HSDL2: variants seen among roughly 807,000 people sequenced by gnomAD.
HSDL2 encodes hydroxysteroid dehydrogenase-like protein 2.
A neutral mutation model predicts 46.3 loss-of-function variants in HSDL2; 27 were observed. The observed-to-expected ratio is 0.58, with a 90% CI of 0.43 to 0.80. HSDL2 has a LOEUF of 0.80. Among genes scored for constraint, HSDL2 ranks in the 30% least tolerant of loss-of-function variants. The pLI is 0.00. For synonymous variants in HSDL2, 153 were observed against 163.6 expected (o/e 0.94, Z 0.50); for missense variants, 451 against 502.7 (o/e 0.90, Z 0.98).
chr9:112,450,004 T>C (rs1317896290), intron 8 of HSDL2, among the ~76,000 whole-genome samples: 1 of 152,226 alleles, frequency 6.6e-6, no homozygotes, highest in Non-Finnish European at 1.5e-5. Flanking sequence ...TAATACTTTA[T>C]TGTTATTTCT....
chr9:112,409,851 C>T (rs1467607897), intron 4 of HSDL2, among the ~76,000 whole-genome samples: 2 of 146,324 alleles, frequency 1.4e-5, no homozygotes, highest in Non-Finnish European at 3.0e-5. Context: ...AGACTGTCTC[C>T]AAAGAAAAAA....
intron 1 of HSDL2, among the ~76,000 whole-genome samples, chr9:112,386,388 G>A (rs1372781867): frequency 6.6e-6 from 1 of 152,070 alleles, no homozygotes; most frequent in Admixed American, 6.5e-5. Context: ...GTTATTTGCC[G>A]ATGATATTAT....
intron 10 of HSDL2, among the ~76,000 whole-genome samples, chr9:112,468,608 CCT>C (rs1833466397): frequency 1.3e-5 from 2 of 151,878 alleles, no homozygotes; most frequent in Non-Finnish European, 1.5e-5. Context: ...TCCTTCATCC[CCT>C]CTTCTTCTCC....
Position 112,404,056 on chromosome 9 carries a change from G to A in HSDL2, c.79G>A (p.Ala27Thr). The change falls in exon 2 of 11, where the codon GCA becomes ACA. Residue 27 changes from alanine (A) to threonine (T), a missense_variant. Ala to Thr is a moderately conservative substitution (Grantham distance 58). Coordinates refer to ENST00000398805, the MANE Select transcript of HSDL2 (RefSeq NM_032303.5). Reference protein sequence around the residue: ...GASRGIGKAIALKAAKDGANI... With the variant: ...GASRGIGKAITLKAAKDGANI... The stretch of plus-strand genomic sequence containing the variant: ...AAGCCGTGGCATTGGCAAAGCTATT[G>A]CATTGAAAGCAGCAAAGGATGGAGC... The A allele has an allele frequency of 6.2e-7, 1 of 1,614,182 alleles. No homozygotes were observed. Among genetic ancestry groups the A allele is most frequent in the Non-Finnish European group, 8.5e-7 (1 of 1,180,004 alleles).
chr9:112,398,684 A>G (rs1175065313), intron 1 of HSDL2, among the ~76,000 whole-genome samples: 2 of 152,084 alleles, frequency 1.3e-5, no homozygotes, highest in Admixed American at 1.3e-4. Context: ...TTAGGACAGC[A>G]CTTACCAAGG....
chr9:112,401,647 G>C (rs1245145965), intron 1 of HSDL2, among the ~76,000 whole-genome samples: 1 of 150,754 alleles, frequency 6.6e-6, no homozygotes, highest in African/African-American at 2.4e-5. Flanking sequence ...TAGACTCAGA[G>C]ACCTAGGTAC....
intron 5 of HSDL2, among the ~76,000 whole-genome samples, chr9:112,418,166 A>G (rs1463936783): frequency 8.4e-6 from 1 of 118,576 alleles, no homozygotes; most frequent in Non-Finnish European, 2.0e-5. Flanking sequence ...TTTTATTTTA[A>G]TCAAATATTA....
intron 10 of HSDL2, among the ~76,000 whole-genome samples, chr9:112,461,732 A>C (rs1488356928): frequency 6.6e-6 from 1 of 152,226 alleles, no homozygotes; most frequent in African/African-American, 2.4e-5. Context: ...GATGAATGAG[A>C]AAATAGAGCA....
chr9:112,416,779 A>C (rs1424518681), intron 4 of HSDL2, 62 bp from the exon 5 acceptor site: 7 of 832,720 alleles, frequency 8.4e-6, no homozygotes, highest in Non-Finnish European at 1.2e-5. Flanking sequence ...TCTCTTAAAA[A>C]AAAAAGTGGA....
At chr9:112,464,196 G>GCTT (rs1442515716) in intron 10 of HSDL2, among the ~76,000 whole-genome samples, 2 of 151,300 alleles carry the variant, frequency 1.3e-5, no homozygotes, top group Admixed American at 1.3e-4. Flanking sequence ...GTGAGACCCT[G>GCTT]CTTCTACACA....
At chr9:112,403,609 A>G (rs1174192635) in intron 1 of HSDL2, among the ~76,000 whole-genome samples, 1 of 152,214 alleles carries the variant, frequency 6.6e-6, no homozygotes, top group East Asian at 1.9e-4. Flanking sequence ...TAAAGAATAT[A>G]AAGGATGTGA....
chr9:112,385,405 T>C (rs1449829400), intron 1 of HSDL2, among the ~76,000 whole-genome samples: 2 of 151,936 alleles, frequency 1.3e-5, no homozygotes, highest in African/African-American at 2.4e-5. Context: ...CTAGGCTCAC[T>C]GCAACCTCTG....
chr9:112,462,013 T>A (rs977473429), intron 10 of HSDL2, among the ~76,000 whole-genome samples: 1 of 152,214 alleles, frequency 6.6e-6, no homozygotes, highest in Admixed American at 6.5e-5. Flanking sequence ...CGGGAGCAAG[T>A]GAGTTTGCTT....
chr9:112,397,343 C>A (rs1376016604), intron 1 of HSDL2, among the ~76,000 whole-genome samples: 1 of 152,112 alleles, frequency 6.6e-6, no homozygotes, highest in Non-Finnish European at 1.5e-5. Context: ...GCATGCATGG[C>A]CATTTTACAC....
chr9:112,446,133 T>C (rs938798965), intron 8 of HSDL2, among the ~76,000 whole-genome samples: 4 of 152,148 alleles, frequency 2.6e-5, no homozygotes, highest in African/African-American at 9.7e-5. Context: ...TGTTAATTCT[T>C]CCTCATATTA....
In HSDL2 at chr9:112,469,264, C is replaced by T. The variant is rs146770945; in HGVS notation, c.1145-1168C>T. Among the ~76,000 whole-genome samples the T allele has an allele frequency of 2.9e-3, 445 of 152,014 alleles. 4 individuals are homozygous for T. Among genetic ancestry groups the T allele is most frequent in the Middle Eastern group, 0.014 (4 of 292 alleles). On this transcript the variant is annotated intron_variant, in intron 10 of 10. Transcript: ENST00000398805. ...TATATATATAATATATTAACTCACACACTTTCTCTGCAAAGAACCTGTGTG... is the reference window on the plus strand; with the variant it reads ...TATATATATAATATATTAACTCACATACTTTCTCTGCAAAGAACCTGTGTG...
intron 6 of HSDL2, among the ~76,000 whole-genome samples, chr9:112,429,294 T>C (rs548492048): frequency 4.6e-5 from 7 of 152,260 alleles, no homozygotes; most frequent in Non-Finnish European, 8.8e-5. Flanking sequence ...ATTTGACAGA[T>C]AATTTATTAA....
At chr9:112,382,913 C>CT (rs1831129346) in intron 1 of HSDL2, among the ~76,000 whole-genome samples, 1 of 148,694 alleles carries the variant, frequency 6.7e-6, no homozygotes, top group Non-Finnish European at 1.5e-5. Flanking sequence ...TCTCTTAAGG[C>CT]TTTTGCATTT....
chr9:112,385,299 A>T (rs1831191737), intron 1 of HSDL2, among the ~76,000 whole-genome samples: 1 of 152,076 alleles, frequency 6.6e-6, no homozygotes, highest in Non-Finnish European at 1.5e-5. Context: ...AAGAGATCAG[A>T]CTTCTTTTTT....
Sources: gnomAD v4.1 joint callset for allele counts (sites outside exome capture counted in the v4.1 genomes callset) on GRCh38, gnomAD v4.1.1 for gene constraint, MANE v1.5 for transcripts, NCBI Gene and HGNC (gene_info 2026-07-23, HGNC 2026-07-21) for gene names.